The following PRIM2 variants were observed in gnomAD, a reference collection of about 807,000 sequenced individuals.
PRIM2 encodes DNA primase subunit 2.
Under a neutral mutation model 67.3 loss-of-function variants are expected in PRIM2, and 39 were observed. The ratio of observed to expected loss-of-function variants is 0.58; its 90% CI spans 0.45 to 0.76. PRIM2 has a LOEUF of 0.76. PRIM2 is among the 30% of genes least tolerant of loss of function. The pLI is 0.00. For missense variants in PRIM2, 398 were observed against 598.7 expected, an observed-to-expected ratio of 0.66 and a Z score of 3.50; for synonymous variants, 143 against 198.7, an observed-to-expected ratio of 0.72 and a Z score of 2.36.
chr6:57,601,710 A>G (rs1776470733), intron 11 of PRIM2, among the ~76,000 whole-genome samples: 1 of 152,246 alleles, frequency 6.6e-6, no homozygotes, highest in Non-Finnish European at 1.5e-5. Flanking sequence ...GATATCTGCC[A>G]TAACTATCAG....
chr6:57,596,603 T>G (rs1776372457), intron 10 of PRIM2, among the ~76,000 whole-genome samples: 1 of 145,012 alleles, frequency 6.9e-6, no homozygotes, highest in African/African-American at 2.5e-5. Context: ...ACTTAAGATA[T>G]CTGCATTTCA....
At chr6:57,484,463 G>A (rs1424007593) in intron 7 of PRIM2, among the ~76,000 whole-genome samples, 1 of 152,084 alleles carries the variant, frequency 6.6e-6, no homozygotes, top group Non-Finnish European at 1.5e-5. Context: ...AAACTCATGT[G>A]GTTTCTTGTC....
At chr6:57,457,798 A>G (rs2127394943) in intron 7 of PRIM2, among the ~76,000 whole-genome samples, 1 of 152,106 alleles carries the variant, frequency 6.6e-6, no homozygotes, top group South Asian at 2.1e-4. Flanking sequence ...ACTGTCCTGC[A>G]CCCACTTTCC....
chr6:57,518,890 T>C (rs1554348556), intron 8 of PRIM2, among the ~76,000 whole-genome samples: 45,170 of 152,018 alleles, frequency 0.3, 6,850 homozygotes, highest in East Asian at 0.45. Flanking sequence ...TGACTTATTA[T>C]CGGGGAACCT....
At position 57,380,377 on chromosome 6, in the gene PRIM2, A is replaced by G. The variant is rs9370589; in HGVS notation, c.555+381A>G. 3.4e-3 allele frequency among the ~76,000 whole-genome samples: 518 copies of G among 151,214 alleles called. 1 individual carries two copies. Among genetic ancestry groups the G allele is most frequent in the Non-Finnish European group, 4.7e-3 (317 of 67,666 alleles). On this transcript the variant is annotated intron_variant, in intron 6 of 13. Coordinates refer to ENST00000615550, the MANE Select transcript of PRIM2 (RefSeq NM_000947.5). ...TGGAAGCCCCCTTTCGCTTCTCTTG[A>G]CCTCTGACATCGTGGTGTCTTGCCT...
At chr6:57,485,286 T>G (rs1227081830) in intron 7 of PRIM2, among the ~76,000 whole-genome samples, 2 of 152,098 alleles carry the variant, frequency 1.3e-5, no homozygotes, top group Non-Finnish European at 2.9e-5. Context: ...AGCTTTATTC[T>G]ATGAGGCCCT....
At chr6:57,310,671 C>T (rs530272026), upstream of PRIM2, among the ~76,000 whole-genome samples, 49 of 150,250 alleles carry the variant, frequency 3.3e-4, no homozygotes, top group Middle Eastern at 3.5e-3. Context: ...ACCTCCCAGA[C>T]GGGGCGGCCA....
At chr6:57,238,399 A>G in the PRIM2 span, among the ~76,000 whole-genome samples, 1 of 152,230 alleles carries the variant, frequency 6.6e-6, no homozygotes, top group Non-Finnish European at 1.5e-5. Context: ...AGAACTCAGG[A>G]TTAAGAAACT....
intron 12 of PRIM2, among the ~76,000 whole-genome samples, chr6:57,618,218 G>A (rs1479774568): frequency 1.1e-4 from 16 of 152,042 alleles, no homozygotes; most frequent in African/African-American, 3.4e-4. Flanking sequence ...TGGCTATCTG[G>A]AGCTCCTTGC....
At chr6:57,566,174 T>A (rs1487460983) in intron 10 of PRIM2, among the ~76,000 whole-genome samples, 1 of 51,864 alleles carries the variant, frequency 1.9e-5, no homozygotes, top group Non-Finnish European at 4.3e-5. Flanking sequence ...GTATAACCCA[T>A]TTTTTTTTTT....
At chr6:57,621,975 G>C (rs2127497131) in intron 12 of PRIM2, among the ~76,000 whole-genome samples, 2 of 151,812 alleles carry the variant, frequency 1.3e-5, no homozygotes, top group South Asian at 4.2e-4. Flanking sequence ...TTTTGAGATG[G>C]AGTCTCACTC....
chr6:57,472,978 T>G (rs1773375250), intron 7 of PRIM2, among the ~76,000 whole-genome samples: 1 of 152,316 alleles, frequency 6.6e-6, no homozygotes, highest in Non-Finnish European at 1.5e-5. Flanking sequence ...GTGTGTTGCA[T>G]GTGGTGCATC....
At chr6:57,375,842 T>A (rs1476026259) in intron 5 of PRIM2, among the ~76,000 whole-genome samples, 3 of 151,918 alleles carry the variant, frequency 2.0e-5, no homozygotes, top group African/African-American at 7.3e-5. Flanking sequence ...GAGGCCAAGG[T>A]GGGAGAATCA....
the PRIM2 span, among the ~76,000 whole-genome samples, chr6:57,272,910 T>C: frequency 1.3e-5 from 2 of 152,196 alleles, no homozygotes; most frequent in African/African-American, 2.4e-5. Flanking sequence ...GGATATGAAA[T>C]TCTGGGTTGA....
chr6:57,494,077 A>T (rs1773953128), intron 7 of PRIM2: 1 of 152,222 alleles, frequency 6.6e-6, no homozygotes, highest in Non-Finnish European at 1.5e-5. Context: ...TGATATATTA[A>T]AATGATTACT....
chr6:57,465,580 T>C, intron 7 of PRIM2, among the ~76,000 whole-genome samples: 1 of 152,310 alleles, frequency 6.6e-6, no homozygotes, highest in East Asian at 1.9e-4. Context: ...TGGGTTCATA[T>C]CCCAGCTTTT....
At chr6:57,265,991 T>A in the PRIM2 span, among the ~76,000 whole-genome samples, 1 of 152,190 alleles carries the variant, frequency 6.6e-6, no homozygotes, top group Non-Finnish European at 1.5e-5. Context: ...AGTTTGATTT[T>A]TAAACTATAA....
chr6:57,322,437 G>A (rs76624746), intron 3 of PRIM2, among the ~76,000 whole-genome samples: 10 of 152,116 alleles, frequency 6.6e-5, no homozygotes, highest in Admixed American at 2.0e-4. Flanking sequence ...GGAGGGACCC[G>A]GTGGGAGGTA....
the PRIM2 span, among the ~76,000 whole-genome samples, chr6:57,306,810 T>A: frequency 6.6e-6 from 1 of 152,216 alleles, no homozygotes; most frequent in Admixed American, 6.5e-5. Context: ...TGACAGTATG[T>A]ACTCCAGTAT....
Sources: allele counts gnomAD v4.1 joint callset (sites outside exome capture counted in the v4.1 genomes callset), GRCh38; gene constraint gnomAD v4.1.1; transcripts MANE v1.5; gene names NCBI Gene and HGNC (gene_info 2026-07-23, HGNC 2026-07-21).